The following SGCG variants were observed in gnomAD, a reference collection of about 807,000 sequenced individuals.
The protein encoded by SGCG is gamma-sarcoglycan.
A neutral mutation model predicts 29.3 loss-of-function variants in SGCG; 26 were observed. The observed-to-expected ratio is 0.89, with a 90% CI of 0.65 to 1.23. SGCG has a LOEUF of 1.23. SGCG is among the 50% of genes most tolerant of loss of function. The pLI is 0.00. For missense variants in SGCG, 353 were observed against 356.0 expected, an observed-to-expected ratio of 0.99 and a Z score of 0.07; for synonymous variants, 145 against 129.7, an observed-to-expected ratio of 1.12 and a Z score of -0.80.
chr13:23,229,132 AGTGCTGG>A (rs1352294700), intron 2 of SGCG, among the ~76,000 whole-genome samples: 1 of 152,192 alleles, frequency 6.6e-6, no homozygotes, highest in Admixed American at 6.5e-5. Flanking sequence ...GGCCTCCCAA[AGTGCTGG>A]GATTACAGGA....
At chr13:23,169,030 G>C in the SGCG span, among the ~76,000 whole-genome samples, 1 of 151,374 alleles carries the variant, frequency 6.6e-6, no homozygotes, top group Non-Finnish European at 1.5e-5. Flanking sequence ...TCATCCATAA[G>C]GTTTAGTAAT....
the SGCG span, among the ~76,000 whole-genome samples, chr13:23,166,069 C>T: frequency 6.6e-6 from 1 of 152,218 alleles, no homozygotes. Flanking sequence ...GGACTTCCAG[C>T]ACAATGTTGA....
At chr13:23,193,916 C>T (rs992981207) in intron 1 of SGCG, among the ~76,000 whole-genome samples, 2 of 151,852 alleles carry the variant, frequency 1.3e-5, no homozygotes, top group Non-Finnish European at 2.9e-5. Context: ...TATGAAAGGG[C>T]CTGAGAATTA....
At chr13:23,303,755 C>T (rs1021123229) in intron 6 of SGCG, among the ~76,000 whole-genome samples, 1 of 152,124 alleles carries the variant, frequency 6.6e-6, no homozygotes, top group Non-Finnish European at 1.5e-5. Flanking sequence ...ATGATAAATT[C>T]CTGGAAGAGG....
the SGCG span, among the ~76,000 whole-genome samples, chr13:23,166,245 G>GT: frequency 6.6e-6 from 1 of 152,006 alleles, no homozygotes; most frequent in Non-Finnish European, 1.5e-5. Context: ...TTGTTTGTTT[G>GT]TTTTTTGAGG....
At chr13:23,181,643 G>A (rs1876737449) in intron 1 of SGCG, among the ~76,000 whole-genome samples, 1 of 152,126 alleles carries the variant, frequency 6.6e-6, no homozygotes, top group South Asian at 2.1e-4. Flanking sequence ...CCTAAATCTG[G>A]AAAATATAAA....
chr13:23,296,546 G>T (rs563740169), intron 6 of SGCG, among the ~76,000 whole-genome samples: 27 of 151,894 alleles, frequency 1.8e-4, no homozygotes, highest in Non-Finnish European at 3.4e-4. Flanking sequence ...TTTTTATCTC[G>T]CAAAACTGAA....
chr13:23,190,778 G>A (rs9552867), intron 1 of SGCG, among the ~76,000 whole-genome samples: 92,703 of 152,032 alleles, frequency 0.61, 29,277 homozygotes, highest in African/African-American at 0.79. Context: ...TAAGAAGTCA[G>A]ATTCACAATT....
intron 1 of SGCG, among the ~76,000 whole-genome samples, chr13:23,181,943 G>T (rs1015666349): frequency 6.6e-6 from 1 of 152,164 alleles, no homozygotes; most frequent in African/African-American, 2.4e-5. Flanking sequence ...GTACAAAAAG[G>T]CACCTTTGTG....
intron 1 of SGCG, among the ~76,000 whole-genome samples, chr13:23,185,557 T>G (rs535687835): frequency 6.6e-6 from 1 of 152,028 alleles, no homozygotes; most frequent in East Asian, 1.9e-4. Flanking sequence ...GGAAACAGAC[T>G]CCAAGCTGGA....
chr13:23,263,479 G>C (rs1304908350), intron 4 of SGCG, among the ~76,000 whole-genome samples: 3 of 151,944 alleles, frequency 2.0e-5, no homozygotes, highest in Non-Finnish European at 4.4e-5. Flanking sequence ...GATTGAATCA[G>C]TAATAGAAGA....
intron 4 of SGCG, among the ~76,000 whole-genome samples, chr13:23,257,638 T>C (rs1880250424): frequency 2.0e-5 from 3 of 152,204 alleles, no homozygotes; most frequent in African/African-American, 7.2e-5. Flanking sequence ...ATGTCCTGAA[T>C]GTTATTGCCT....
chr13:23,160,591 G>A, the SGCG span, among the ~76,000 whole-genome samples: 1 of 152,158 alleles, frequency 6.6e-6, no homozygotes, highest in African/African-American at 2.4e-5. Flanking sequence ...ATCCCGTCGG[G>A]AATGAAGGGA....
chr13:23,192,408 G>A (rs962390840), intron 1 of SGCG, among the ~76,000 whole-genome samples: 1 of 151,358 alleles, frequency 6.6e-6, no homozygotes, highest in African/African-American at 2.4e-5. Context: ...TTTTTGAGAC[G>A]GAGTCTCAGA....
intron 6 of SGCG, among the ~76,000 whole-genome samples, chr13:23,320,336 A>T (rs2137527266): frequency 6.6e-6 from 1 of 152,350 alleles, no homozygotes; most frequent in South Asian, 2.1e-4. Context: ...CTGAAATAGT[A>T]TGCCAGAGTA....
chr13:23,267,599 C>CA (rs1880686937), intron 4 of SGCG: 1 of 152,284 alleles, frequency 6.6e-6, no homozygotes, highest in African/African-American at 2.4e-5. Context: ...CTTGTACACT[C>CA]AGAGTGTGGC....
At chr13:23,190,895 G>C (rs3829359) in intron 1 of SGCG, among the ~76,000 whole-genome samples, 92,617 of 151,958 alleles carry the variant, frequency 0.61, 29,231 homozygotes, top group African/African-American at 0.79. Context: ...GTGTGTTAAA[G>C]AGTTTTTTGA....
chr13:23,274,564 A>G (rs1473741116), intron 4 of SGCG, among the ~76,000 whole-genome samples: 1 of 151,714 alleles, frequency 6.6e-6, no homozygotes, highest in Non-Finnish European at 1.5e-5. Flanking sequence ...CTGAGACTAC[A>G]GGAGCCCACC....
chr13:23,272,960 A>G (rs1880924645), intron 4 of SGCG, among the ~76,000 whole-genome samples: 1 of 152,026 alleles, frequency 6.6e-6, no homozygotes, highest in Non-Finnish European at 1.5e-5. Context: ...TTCACTTGTC[A>G]TTCCATGTGT....
Sources: gnomAD v4.1 joint callset for allele counts (sites outside exome capture counted in the v4.1 genomes callset) on GRCh38, gnomAD v4.1.1 for gene constraint, MANE v1.5 for transcripts, NCBI Gene and HGNC (gene_info 2026-07-23, HGNC 2026-07-21) for gene names.